Variants in PRKCQ observed in about 807,000 individuals in gnomAD.
PRKCQ encodes protein kinase C theta.
A neutral mutation model predicts 91.2 loss-of-function variants in PRKCQ; 41 were observed. The observed-to-expected ratio is 0.45, with a 90% CI of 0.35 to 0.58. The LOEUF is 0.58. Among genes scored for constraint, PRKCQ ranks in the 20% least tolerant of loss-of-function variants. The pLI is 0.00. For missense variants in PRKCQ, 673 were observed against 896.5 expected, an observed-to-expected ratio of 0.75 and a Z score of 3.18; for synonymous variants, 307 against 316.9, an observed-to-expected ratio of 0.97 and a Z score of 0.33.
chr10:6,453,262 T>C (rs1353699163), intron 15 of PRKCQ, among the ~76,000 whole-genome samples: 7 of 152,210 alleles, frequency 4.6e-5, no homozygotes, highest in South Asian at 2.1e-4. Context: ...GGGCGAAGGA[T>C]ATGAACAGAC....
intron 2 of PRKCQ, among the ~76,000 whole-genome samples, chr10:6,511,772 A>C (rs1427669768): frequency 6.6e-6 from 1 of 151,976 alleles, no homozygotes; most frequent in Non-Finnish European, 1.5e-5. Flanking sequence ...ATTTTTTTTG[A>C]GAGGTGTGGG....
At chr10:6,450,641 C>A (rs1306207041) in intron 15 of PRKCQ, among the ~76,000 whole-genome samples, 1 of 152,020 alleles carries the variant, frequency 6.6e-6, no homozygotes, top group Non-Finnish European at 1.5e-5. Flanking sequence ...TTTTTCAGCA[C>A]CACACCTATT....
intron 1 of PRKCQ, among the ~76,000 whole-genome samples, chr10:6,534,774 C>CTATATATA (rs56075764): frequency 6.3e-5 from 9 of 142,792 alleles, no homozygotes; most frequent in African/African-American, 2.4e-4. Flanking sequence ...AAACATATAT[C>CTATATATA]TATATATATA....
chr10:6,396,713 C>T, the PRKCQ span, among the ~76,000 whole-genome samples: 1 of 152,166 alleles, frequency 6.6e-6, no homozygotes, highest in East Asian at 1.9e-4. Context: ...TTGTTCATAC[C>T]TTTTGGCTAT....
At chr10:6,491,238 C>G (rs1837277229) in intron 8 of PRKCQ, among the ~76,000 whole-genome samples, 1 of 152,176 alleles carries the variant, frequency 6.6e-6, no homozygotes, top group South Asian at 2.1e-4. Context: ...GCTGGGCTTG[C>G]TCCTTGATGA....
At chr10:6,556,212 T>C (rs903375474) in intron 1 of PRKCQ, among the ~76,000 whole-genome samples, 27 of 152,230 alleles carry the variant, frequency 1.8e-4, no homozygotes, top group Non-Finnish European at 3.2e-4. Context: ...GGAGGATCAC[T>C]TGAGGCCAGG....
At chr10:6,410,945 C>A in the PRKCQ span, among the ~76,000 whole-genome samples, 1 of 148,614 alleles carries the variant, frequency 6.7e-6, no homozygotes, top group Admixed American at 6.8e-5. Flanking sequence ...CCACTGCACT[C>A]CAGCCCAGGC....
At chr10:6,449,899 C>G (rs1329473617) in intron 15 of PRKCQ, among the ~76,000 whole-genome samples, 2 of 152,006 alleles carry the variant, frequency 1.3e-5, no homozygotes, top group South Asian at 2.1e-4. Flanking sequence ...ATTTTGTCAC[C>G]ACCAGGCCTG....
intron 12 of PRKCQ, among the ~76,000 whole-genome samples, chr10:6,474,274 C>G (rs541742764): frequency 6.6e-6 from 1 of 152,278 alleles, no homozygotes; most frequent in African/African-American, 2.4e-5. Flanking sequence ...TCTTCAGAGG[C>G]CTGCAAAACC....
intron 1 of PRKCQ, among the ~76,000 whole-genome samples, chr10:6,558,032 C>A (rs1374135184): frequency 1.3e-5 from 2 of 152,156 alleles, no homozygotes; most frequent in East Asian, 3.8e-4. Context: ...AATTACTTAT[C>A]CCCTTGCTCT....
chr10:6,552,326 A>G (rs1840218851), intron 1 of PRKCQ, among the ~76,000 whole-genome samples: 1 of 152,226 alleles, frequency 6.6e-6, no homozygotes, highest in Non-Finnish European at 1.5e-5. Context: ...TACTAGTTAT[A>G]AAACACAATA....
the PRKCQ span, among the ~76,000 whole-genome samples, chr10:6,409,136 T>A: frequency 0.99 from 150,501 of 152,306 alleles, 74,376 homozygotes; most frequent in East Asian, 1. Context: ...GTGACCAAGG[T>A]TGTTTGTCAC....
At chr10:6,415,639 G>A in the PRKCQ span, among the ~76,000 whole-genome samples, 2 of 151,592 alleles carry the variant, frequency 1.3e-5, no homozygotes, top group Non-Finnish European at 2.9e-5. Context: ...CCTCTGCGCT[G>A]AGATCCCCAG....
intron 11 of PRKCQ, among the ~76,000 whole-genome samples, chr10:6,479,767 TAAAAAAAAAAAAAA>T (rs34610362): frequency 5.1e-5 from 2 of 38,988 alleles, no homozygotes; most frequent in Non-Finnish European, 8.6e-5. Flanking sequence ...CCGTCTCGAC[TAAAAAAAAAAAAAA>T]AAAAAAAAAA....
intron 1 of PRKCQ, among the ~76,000 whole-genome samples, chr10:6,523,025 A>G (rs1479646710): frequency 6.7e-6 from 1 of 150,036 alleles, no homozygotes; most frequent in African/African-American, 2.4e-5. Context: ...AAGAAAGATG[A>G]TAACTAGTAA....
chr10:6,525,282 G>T (rs61841279), intron 1 of PRKCQ, among the ~76,000 whole-genome samples: 1 of 151,646 alleles, frequency 6.6e-6, no homozygotes, highest in African/African-American at 2.4e-5. Flanking sequence ...AAAAGTAATG[G>T]AAATTTAAAA....
chr10:6,521,386 C>T (rs189795693), intron 1 of PRKCQ, among the ~76,000 whole-genome samples: 4 of 152,308 alleles, frequency 2.6e-5, no homozygotes, highest in Admixed American at 1.3e-4. Flanking sequence ...CAGCCCAGCA[C>T]TTGTTGTAAA....
chr10:6,401,733 C>A, the PRKCQ span, among the ~76,000 whole-genome samples: 1 of 152,284 alleles, frequency 6.6e-6, no homozygotes, highest in African/African-American at 2.4e-5. Flanking sequence ...GACCCGCCGT[C>A]TCTTTCTCTG....
At chr10:6,421,237 C>G in the PRKCQ span, among the ~76,000 whole-genome samples, 1 of 152,168 alleles carries the variant, frequency 6.6e-6, no homozygotes, top group Admixed American at 6.5e-5. This position sits in a 1 kb window ranked among gnomAD's most constrained non-coding sequence, Gnocchi z 4.1. Flanking sequence ...GTAATCCCAG[C>G]ACTTTGGAAG....
Sources: gnomAD v4.1 joint callset for allele counts (sites outside exome capture counted in the v4.1 genomes callset) on GRCh38, gnomAD v4.1.1 for gene constraint, Gnocchi (gnomAD v3.1) non-coding constraint, MANE v1.5 for transcripts, NCBI Gene and HGNC (gene_info 2026-07-23, HGNC 2026-07-21) for gene names.